Variants in KCNIP4 observed in about 807,000 individuals in gnomAD.
KCNIP4 encodes Kv channel-interacting protein 4.
KCNIP4 carries 12 observed loss-of-function variants against 34.0 expected under a neutral mutation model. The observed-to-expected ratio is 0.35, with a 90% CI of 0.23 to 0.57. KCNIP4 has a LOEUF of 0.57. Among genes scored for constraint, KCNIP4 ranks in the 20% least tolerant of loss-of-function variants. The probability of loss-of-function intolerance (pLI) is 0.83; values close to 1 mark genes in which losing one functional copy is unlikely to be tolerated. For synonymous variants in KCNIP4, 124 were observed against 102.2 expected (o/e 1.21, Z -1.29); for missense variants, 238 against 311.7 (o/e 0.76, Z 1.78).
At chr4:21,782,530 C>A (rs796441562) in intron 1 of KCNIP4, among the ~76,000 whole-genome samples, 3 of 151,980 alleles carry the variant, frequency 2.0e-5, no homozygotes, top group African/African-American at 7.3e-5. Context: ...TCCGTTTCTA[C>A]AAAATTTTTT....
intron 1 of KCNIP4, among the ~76,000 whole-genome samples, chr4:21,689,843 A>G (rs1751121608): frequency 6.6e-6 from 1 of 151,992 alleles, no homozygotes; most frequent in South Asian, 2.1e-4. Context: ...GAAGTTGGAA[A>G]ATAATGATTC....
intron 1 of KCNIP4, among the ~76,000 whole-genome samples, chr4:21,580,939 A>C (rs1741155203): frequency 6.6e-6 from 1 of 152,078 alleles, no homozygotes; most frequent in Admixed American, 6.6e-5. Flanking sequence ...CAAATGACCC[A>C]AGTCAATGAG....
intron 1 of KCNIP4, among the ~76,000 whole-genome samples, chr4:21,759,628 T>C (rs2109165479): frequency 6.6e-6 from 1 of 152,284 alleles, no homozygotes; most frequent in South Asian, 2.1e-4. Flanking sequence ...ATTTCTATAC[T>C]GAGGTGTGGA....
chr4:21,166,676 C>T (rs1340574297), intron 1 of KCNIP4, among the ~76,000 whole-genome samples: 8 of 152,186 alleles, frequency 5.3e-5, no homozygotes, highest in Middle Eastern at 3.4e-3. Context: ...CGGTGGCTCA[C>T]GCCTGTAAAC....
chr4:21,614,777 A>G (rs958179590), intron 1 of KCNIP4, among the ~76,000 whole-genome samples: 2 of 152,106 alleles, frequency 1.3e-5, no homozygotes, highest in Non-Finnish European at 2.9e-5. Context: ...ACCCATCAAA[A>G]AAGCTGACAA....
intron 1 of KCNIP4, among the ~76,000 whole-genome samples, chr4:21,546,803 A>T (rs2109008701): frequency 6.6e-6 from 1 of 152,208 alleles, no homozygotes; most frequent in Non-Finnish European, 1.5e-5. Flanking sequence ...TGTGTACCAT[A>T]GAACATCAAG....
chr4:20,751,574 C>T (rs554810834), intron 4 of KCNIP4, among the ~76,000 whole-genome samples: 2 of 152,088 alleles, frequency 1.3e-5, no homozygotes, highest in African/African-American at 4.8e-5. Flanking sequence ...TTATAATGAG[C>T]TTCATTAAGC....
At chr4:20,853,449 A>G (rs1452885380) in intron 2 of KCNIP4, among the ~76,000 whole-genome samples, 1 of 152,192 alleles carries the variant, frequency 6.6e-6, no homozygotes, top group African/African-American at 2.4e-5. Flanking sequence ...ATGTAGGAGA[A>G]TGAAACTGGG....
At chr4:21,309,639 C>G (rs1213033556) in intron 1 of KCNIP4, among the ~76,000 whole-genome samples, 7 of 152,250 alleles carry the variant, frequency 4.6e-5, no homozygotes, top group African/African-American at 1.4e-4. Flanking sequence ...TCTGTAAACC[C>G]TATGAGGCAG....
intron 1 of KCNIP4, among the ~76,000 whole-genome samples, chr4:21,359,971 G>A (rs1719046176): frequency 6.6e-6 from 1 of 152,048 alleles, no homozygotes; most frequent in Non-Finnish European, 1.5e-5. Context: ...ATCTGAGAAG[G>A]GGATTGTGTG....
intron 1 of KCNIP4, among the ~76,000 whole-genome samples, chr4:21,497,277 T>C (rs1431617995): frequency 3.3e-5 from 5 of 152,194 alleles, no homozygotes; most frequent in Non-Finnish European, 7.3e-5. Flanking sequence ...GTCTATATGA[T>C]AGTGCTTGGC....
intron 1 of KCNIP4, among the ~76,000 whole-genome samples, chr4:21,215,510 C>G (rs1015690818): frequency 2.0e-5 from 3 of 152,200 alleles, no homozygotes; most frequent in African/African-American, 7.2e-5. Flanking sequence ...TTTCTGGACT[C>G]CTTCCATATG....
chr4:21,064,414 A>G (rs994312981), intron 1 of KCNIP4, among the ~76,000 whole-genome samples: 8 of 152,108 alleles, frequency 5.3e-5, no homozygotes, highest in Non-Finnish European at 7.4e-5. Flanking sequence ...GAAAAAAAAA[A>G]AAAGAAAATG....
rs1753195042 is a variant in KCNIP4 at position 21,157,112 on chromosome 4, TAC to T, written c.62-274405_62-274404del. 3.3e-5 allele frequency among the ~76,000 whole-genome samples: 5 copies of T among 152,142 alleles called. No individual in the cohort carries two copies. In the South Asian group the frequency reaches 1.0e-3, roughly 32 times the overall value. On this transcript the variant is annotated intron_variant, in intron 1 of 8. Transcript: ENST00000382152. Reference sequence around the variant, plus strand: ...ATGTAACCTCGCTGAGGCTTCGTTTTACTCTCTGCAAAAGACAGTTAACATCA... The same window carrying T: ...ATGTAACCTCGCTGAGGCTTCGTTTTTCTCTGCAAAAGACAGTTAACATCA...
intron 1 of KCNIP4, among the ~76,000 whole-genome samples, chr4:21,536,696 G>A (rs1560497539): frequency 6.6e-6 from 1 of 151,738 alleles, no homozygotes; most frequent in African/African-American, 2.4e-5. Context: ...AATGAGAATC[G>A]CTTGAACTCA....
intron 3 of KCNIP4, among the ~76,000 whole-genome samples, chr4:20,762,473 A>AT (rs1560446323): frequency 6.6e-6 from 1 of 152,158 alleles, no homozygotes; most frequent in Non-Finnish European, 1.5e-5. Context: ...AAACTAGTGC[A>AT]TTTTTTTAAA....
chr4:20,974,040 T>A (rs1735241072), intron 1 of KCNIP4, among the ~76,000 whole-genome samples: 1 of 152,174 alleles, frequency 6.6e-6, no homozygotes, highest in South Asian at 2.1e-4. Context: ...ACTGAGCACA[T>A]GCTGTTGGAA....
At chr4:21,802,025 T>A (rs1560725457) in intron 1 of KCNIP4, among the ~76,000 whole-genome samples, 1 of 151,876 alleles carries the variant, frequency 6.6e-6, no homozygotes, top group Non-Finnish European at 1.5e-5. Flanking sequence ...GCTAAGGTCC[T>A]GAAGTTCTTC....
intron 1 of KCNIP4, among the ~76,000 whole-genome samples, chr4:21,576,740 A>T (rs1577625771): frequency 6.6e-6 from 1 of 152,216 alleles, no homozygotes; most frequent in Admixed American, 6.5e-5. Context: ...CTTAACCCTG[A>T]CCTCATAACA....
Sources: allele counts gnomAD v4.1 joint callset (sites outside exome capture counted in the v4.1 genomes callset), GRCh38; gene constraint gnomAD v4.1.1; transcripts MANE v1.5; gene names NCBI Gene and HGNC (gene_info 2026-07-23, HGNC 2026-07-21).